Variants in TAS2R1 observed in about 807,000 individuals in gnomAD.
TAS2R1 encodes the protein taste 2 receptor member 1, also known as taste receptor type 2 member 1.
For missense variants in TAS2R1, 370 were observed against 353.4 expected (o/e 1.05, Z -0.38); for synonymous variants, 141 against 134.2 (o/e 1.05, Z -0.35).
the TAS2R1 span, among the ~76,000 whole-genome samples, chr5:9,768,473 A>T: frequency 6.6e-6 from 1 of 152,236 alleles, no homozygotes; most frequent in East Asian, 1.9e-4. Context: ...CTGCTTTCCC[A>T]TGACCACTCC....
the TAS2R1 span, chr5:9,884,136 C>T: frequency 2.6e-5 from 4 of 152,200 alleles, no homozygotes; most frequent in Non-Finnish European, 4.4e-5. Context: ...ATCATTAATC[C>T]CTTCATGACA....
At chr5:9,867,905 C>T in the TAS2R1 span, among the ~76,000 whole-genome samples, 1 of 152,322 alleles carries the variant, frequency 6.6e-6, no homozygotes, top group African/African-American at 2.4e-5. Flanking sequence ...AAAGGAGCTA[C>T]AGGCCCCATG....
At chr5:9,832,754 A>G in the TAS2R1 span, among the ~76,000 whole-genome samples, 2 of 152,214 alleles carry the variant, frequency 1.3e-5, no homozygotes, top group African/African-American at 4.8e-5. Flanking sequence ...CCATAATACA[A>G]TTGAAGCACT....
chr5:9,724,875 T>C, the TAS2R1 span, among the ~76,000 whole-genome samples: 1 of 152,246 alleles, frequency 6.6e-6, no homozygotes, highest in Non-Finnish European at 1.5e-5. Context: ...AATGTAATTC[T>C]TCCAGAAGCA....
At chr5:9,815,331 C>G in the TAS2R1 span, among the ~76,000 whole-genome samples, 1 of 152,202 alleles carries the variant, frequency 6.6e-6, no homozygotes, top group African/African-American at 2.4e-5. Flanking sequence ...CACTCCATGT[C>G]TGAAGTCTTG....
At chr5:9,668,850 A>G (rs1740693956) in intron 1 of TAS2R1, among the ~76,000 whole-genome samples, 1 of 152,050 alleles carries the variant, frequency 6.6e-6, no homozygotes, top group East Asian at 1.9e-4. Flanking sequence ...AAAAAAAACC[A>G]CACAATCAAG....
upstream of TAS2R1, among the ~76,000 whole-genome samples, chr5:9,715,899 C>T (rs1279580909): frequency 1.3e-5 from 2 of 152,130 alleles, no homozygotes; most frequent in South Asian, 2.1e-4. Context: ...AAAGTAAAGC[C>T]ATTTCCTGTT....
the TAS2R1 span, among the ~76,000 whole-genome samples, chr5:9,754,655 A>G: frequency 2.8e-4 from 42 of 152,228 alleles, 1 homozygote; most frequent in Non-Finnish European, 1.6e-4. Context: ...TGCTTCAAAG[A>G]GAATAAAATA....
intron 1 of TAS2R1, among the ~76,000 whole-genome samples, chr5:9,701,933 T>C (rs1424372949): frequency 6.6e-6 from 1 of 152,202 alleles, no homozygotes; most frequent in Non-Finnish European, 1.5e-5. Context: ...TAGAGTGAGA[T>C]TAATGTGATG....
chr5:9,819,027 A>G, the TAS2R1 span, among the ~76,000 whole-genome samples: 8 of 152,352 alleles, frequency 5.3e-5, no homozygotes, highest in Admixed American at 5.2e-4. Flanking sequence ...CTGAGAAAAC[A>G]TCCCAAGTAA....
chr5:9,775,611 A>G, the TAS2R1 span, among the ~76,000 whole-genome samples: 1 of 152,014 alleles, frequency 6.6e-6, no homozygotes, highest in Non-Finnish European at 1.5e-5. Context: ...GCTGCTGTTG[A>G]TTATTCAGGG....
the TAS2R1 span, among the ~76,000 whole-genome samples, chr5:9,831,691 TTC>T: frequency 6.6e-6 from 1 of 152,088 alleles, no homozygotes; most frequent in Non-Finnish European, 1.5e-5. Flanking sequence ...TTTTTTAGAT[TTC>T]TGTTTCATCA....
intron 1 of TAS2R1, among the ~76,000 whole-genome samples, chr5:9,674,577 A>G (rs1379735256): frequency 6.6e-6 from 1 of 152,190 alleles, no homozygotes; most frequent in Admixed American, 6.6e-5. Context: ...ATAATAGTGT[A>G]TACCTCACAA....
At chr5:9,727,944 A>T in the TAS2R1 span, among the ~76,000 whole-genome samples, 1 of 152,340 alleles carries the variant, frequency 6.6e-6, no homozygotes, top group East Asian at 1.9e-4. Context: ...GTATGAATGC[A>T]GGGCAGTCGC....
chr5:9,772,794 T>C, the TAS2R1 span, among the ~76,000 whole-genome samples: 8 of 152,154 alleles, frequency 5.3e-5, no homozygotes, highest in African/African-American at 1.9e-4. Context: ...GTCTATTTTG[T>C]CTGATATAAG....
chr5:9,683,876 T>C (rs1167151294), intron 1 of TAS2R1, among the ~76,000 whole-genome samples: 3 of 152,316 alleles, frequency 2.0e-5, no homozygotes, highest in East Asian at 3.9e-4. Flanking sequence ...CAATGTCAGC[T>C]CAAGGTTTTG....
At chr5:9,680,022 G>C (rs1301289677) in intron 1 of TAS2R1, among the ~76,000 whole-genome samples, 14 of 152,104 alleles carry the variant, frequency 9.2e-5, no homozygotes, top group Admixed American at 9.2e-4. Flanking sequence ...GTATCTTATA[G>C]AGTCAGATAG....
the TAS2R1 span, among the ~76,000 whole-genome samples, chr5:9,771,194 C>T: frequency 1.3e-5 from 2 of 152,142 alleles, no homozygotes; most frequent in African/African-American, 4.8e-5. Context: ...TGATGTATCA[C>T]ATTGATTGCC....
the TAS2R1 span, among the ~76,000 whole-genome samples, chr5:9,718,220 T>C: frequency 6.6e-6 from 1 of 151,952 alleles, no homozygotes; most frequent in African/African-American, 2.4e-5. Flanking sequence ...CTGCCCACCT[T>C]GGCCTCCCAA....
Sources: allele counts gnomAD v4.1 joint callset (sites outside exome capture counted in the v4.1 genomes callset), GRCh38; gene constraint gnomAD v4.1.1; transcripts MANE v1.5; gene names NCBI Gene and HGNC (gene_info 2026-07-23, HGNC 2026-07-21).